Variants in NDUFAB1 observed in about 807,000 individuals in gnomAD.
The protein encoded by NDUFAB1 is acyl carrier protein, mitochondrial.
A neutral mutation model predicts 16.1 loss-of-function variants in NDUFAB1; 5 were observed. The ratio of observed to expected loss-of-function variants is 0.31; its 90% CI spans 0.16 to 0.65. NDUFAB1 has a LOEUF of 0.65. Ranked by LOEUF, NDUFAB1 falls within the 30% of genes least tolerant of loss-of-function variation. NDUFAB1 has a pLI of 0.77. For missense variants in NDUFAB1, 187 were observed against 205.3 expected (o/e 0.91, Z 0.54); for synonymous variants, 85 against 78.4 (o/e 1.08, Z -0.44).
chr16:23,595,702 G>C, intron 1 of NDUFAB1: 1 of 456,906 alleles, frequency 2.2e-6, no homozygotes, highest in South Asian at 1.6e-5. Flanking sequence ...CTGTAGGCCA[G>C]TGTGGCTGCC....
rs200836987 is a variant in NDUFAB1 at position 23,596,251 on chromosome 16, G to A, written c.40C>T (p.Pro14Ser). The A allele has an allele frequency of 3.3e-4, 527 of 1,597,682 alleles. 3 individuals carry two copies. In the African/African-American group the frequency reaches 6.3e-3, roughly 19 times the overall value. The part of the protein sequence containing the change: ...RVLSAYVSRL[P>S]AAFAPLPRVR... ...CGGGGCAGCGGCGCAAAGGCCGCGG[G>A]CAGGCGGCTGACATAGGCTGAAAGG... Residue 14 changes from proline to serine, a missense_variant, in exon 1 of 5, where the codon CCC becomes TCC. Pro to Ser is a moderately conservative substitution (Grantham distance 74). Around this residue, in one of 3 missense-constraint regions of NDUFAB1, gnomAD observed 135 missense variants for 129.4 expected, o/e 1.04. Coordinates refer to ENST00000007516, the MANE Select transcript of NDUFAB1 (RefSeq NM_005003.3).
chr16:23,594,785 G>A (rs1325118132), intron 1 of NDUFAB1, among the ~76,000 whole-genome samples: 1 of 152,004 alleles, frequency 6.6e-6, no homozygotes, highest in Non-Finnish European at 1.5e-5. Flanking sequence ...ACCACGCCTG[G>A]CCAGACACAC....
intron 1 of NDUFAB1, among the ~76,000 whole-genome samples, chr16:23,592,737 G>A (rs969137682): frequency 6.6e-6 from 1 of 151,912 alleles, no homozygotes; most frequent in African/African-American, 2.4e-5. Context: ...TATATCATCT[G>A]GTATTTTTAT....
rs1164413338 is a variant in NDUFAB1, at chr16:23,587,324, AG to A, written c.169-6del. On this transcript the variant is annotated splice_region_variant and splice_polypyrimidine_tract_variant and intron_variant, in intron 1 of 4. Coordinates refer to ENST00000007516, the MANE Select transcript of NDUFAB1 (RefSeq NM_005003.3). ...CTGTGTAACTCTACCAGGAACCTAG[AG>A]CGACGGCAGGAAGGAAACACTGTCA... 6.2e-7 allele frequency: 1 copy of A among 1,612,946 alleles called. No homozygotes were observed. The highest frequency in any genetic ancestry group is 8.5e-7 in the Non-Finnish European group (1 of 1,179,622).
At chr16:23,585,515 T>C in intron 2 of NDUFAB1, 92 bp from the exon 3 acceptor site, 1 of 842,584 alleles carries the variant, frequency 1.2e-6, no homozygotes, top group Non-Finnish European at 2.0e-6. Flanking sequence ...TTAATCACTA[T>C]ATTGAATTTA....
chr16:23,583,185 T>C (rs1272056958), intron 3 of NDUFAB1, among the ~76,000 whole-genome samples: 2 of 152,084 alleles, frequency 1.3e-5, no homozygotes, highest in Non-Finnish European at 2.9e-5. Flanking sequence ...ACCTCCCAGC[T>C]GCCTGCCTTG....
intron 1 of NDUFAB1, 42 bp from the exon 2 acceptor site, chr16:23,587,361 A>G (rs763908089): frequency 5.6e-6 from 9 of 1,607,566 alleles, no homozygotes; most frequent in Non-Finnish European, 7.6e-6. Context: ...TTGAATGGAA[A>G]ATACCTCTAA....
At chr16:23,586,496 G>A (rs1966234487) in intron 2 of NDUFAB1, among the ~76,000 whole-genome samples, 1 of 151,114 alleles carries the variant, frequency 6.6e-6, no homozygotes, top group Non-Finnish European at 1.5e-5. Context: ...CACCACGCCT[G>A]TCTAATTTGT....
At position 23,587,275 on chromosome 16, in the gene NDUFAB1, C is replaced by A. The variant is rs1345922128; in HGVS notation, c.213G>T (p.Met71Ile). Reference protein sequence around the residue: ...VTQLCRQYSDMPPLTLEGIQD... With the variant: ...VTQLCRQYSDIPPLTLEGIQD... ...GGATGCCCTCTAACGTCAAAGGAGG[C>A]ATGTCGCTATACTGGCGGCACAACT... Residue 71 changes from methionine to isoleucine, a missense_variant, in exon 2 of 5, where the codon ATG (methionine) becomes ATT (isoleucine). Met to Ile is a conservative substitution (Grantham distance 10). Coordinates refer to ENST00000007516, the MANE Select transcript of NDUFAB1 (RefSeq NM_005003.3). 2 of 1,614,020 alleles carry A rather than the reference C, an allele frequency of 1.2e-6. No homozygotes were observed. The highest frequency in any genetic ancestry group is 1.7e-6 in the Non-Finnish European group (2 of 1,179,900).
chr16:23,595,627 A>G (rs1966318240), intron 1 of NDUFAB1: 1 of 456,926 alleles, frequency 2.2e-6, no homozygotes, highest in South Asian at 1.5e-5. Context: ...TCCTGGACAC[A>G]GGCAGAAGGT....
chr16:23,582,409 T>TA (rs369134902), intron 3 of NDUFAB1, 34 bp from the exon 4 acceptor site: 30,325 of 1,201,592 alleles, frequency 0.025, 72 homozygotes, highest in African/African-American at 0.048. Flanking sequence ...GTGAGAGAGT[T>TA]AAAAAAAAAA....
At chr16:23,595,720 A>C in intron 1 of NDUFAB1, 1 of 459,230 alleles carries the variant, frequency 2.2e-6, no homozygotes, top group South Asian at 1.6e-5. Flanking sequence ...GCCTCTTTGC[A>C]TGCTGCTTTC....
At chr16:23,583,015 C>T (rs1470521566) in intron 3 of NDUFAB1, among the ~76,000 whole-genome samples, 1 of 152,276 alleles carries the variant, frequency 6.6e-6, no homozygotes, top group African/African-American at 2.4e-5. Flanking sequence ...GACAGGGTTT[C>T]GCTGTGTTGG....
chr16:23,592,428 T>G (rs1966288506), intron 1 of NDUFAB1, among the ~76,000 whole-genome samples: 1 of 151,206 alleles, frequency 6.6e-6, no homozygotes, highest in Admixed American at 6.6e-5. Flanking sequence ...GGTACACAGA[T>G]GACAGGCTTG....
intron 1 of NDUFAB1, 89 bp downstream of exon 1, chr16:23,596,034 A>G (rs990022851): frequency 2.7e-6 from 4 of 1,465,770 alleles, no homozygotes; most frequent in Non-Finnish European, 3.6e-6. Flanking sequence ...CCCTGCCTGC[A>G]GCTGGCGCGC....
chr16:23,582,959 G>C (rs1966194923), intron 3 of NDUFAB1, among the ~76,000 whole-genome samples: 1 of 151,694 alleles, frequency 6.6e-6, no homozygotes, highest in Non-Finnish European at 1.5e-5. Context: ...TGCGATTGCA[G>C]GCACGCGCCG....
intron 3 of NDUFAB1, among the ~76,000 whole-genome samples, chr16:23,584,299 A>C (rs1966214763): frequency 7.2e-6 from 1 of 138,862 alleles, no homozygotes; most frequent in African/African-American, 2.8e-5. Flanking sequence ...GTCAGCAGTC[A>C]CTCCCCATCC....
chr16:23,584,622 T>A (rs1966218156), intron 3 of NDUFAB1, among the ~76,000 whole-genome samples: 1 of 152,096 alleles, frequency 6.6e-6, no homozygotes. Flanking sequence ...ACCCCCACTT[T>A]ACAGCTGAGG....
In NDUFAB1 at chr16:23,583,662, G is replaced by A. The variant is rs1180941324; in HGVS notation, c.380-1287C>T. Among the ~76,000 whole-genome samples the A allele has an allele frequency of 1.4e-3, 179 of 124,544 alleles. 8 individuals are homozygous for A. Among genetic ancestry groups the A allele is most frequent in the African/African-American group, 5.7e-3 (167 of 29,546 alleles). 81.7% of individuals were successfully genotyped at this position (124,544 alleles called of 152,430 possible). A position where few individuals can be genotyped will look rare whatever the true frequency, so the allele number is the denominator to read the frequency against. ...TGAGGAGCCCCTCCGCCCGGCAGCC[G>A]CCCCGTCTGAGAAGTGAGGAGCCCC... On this transcript the variant is annotated intron_variant, in intron 3 of 4. Transcript: ENST00000007516.
Sources: gnomAD v4.1 joint callset for allele counts (sites outside exome capture counted in the v4.1 genomes callset) on GRCh38, gnomAD v4.1.1 for gene constraint, gnomAD v4.1.1 regional missense constraint, MANE v1.5 for transcripts, NCBI Gene and HGNC (gene_info 2026-07-23, HGNC 2026-07-21) for gene names.